The following LRBA variants were observed in gnomAD, a reference collection of about 807,000 sequenced individuals.
The protein encoded by LRBA is lipopolysaccharide-responsive and beige-like anchor protein.
Under a neutral mutation model 330.0 loss-of-function variants are expected in LRBA, and 176 were observed. The observed-to-expected ratio is 0.53, with a 90% confidence interval of 0.47 to 0.60. LRBA has a LOEUF of 0.60. LRBA is among the 20% of genes least tolerant of loss of function. The pLI, the probability that LRBA is intolerant of heterozygous loss-of-function variation, is 0.00. For synonymous variants in LRBA, 1,230 were observed against 1,193.0 expected (o/e 1.03, Z -0.64); for missense variants, 3,259 against 3,444.8 (o/e 0.95, Z 1.35).
intron 34 of LRBA, among the ~76,000 whole-genome samples, chr4:150,785,962 C>T (rs1242568514): frequency 1.3e-5 from 2 of 152,166 alleles, no homozygotes; most frequent in African/African-American, 2.4e-5. Context: ...ATAAAAACCA[C>T]GGAATCATCT....
At chr4:150,370,443 A>T (rs781745263) in intron 47 of LRBA, among the ~76,000 whole-genome samples, 1 of 152,226 alleles carries the variant, frequency 6.6e-6, no homozygotes, top group Non-Finnish European at 1.5e-5. Context: ...TGAAAAGGTT[A>T]CATACTATAT....
chr4:150,935,010 G>GAAA (rs35609336), intron 2 of LRBA, among the ~76,000 whole-genome samples: 10 of 131,350 alleles, frequency 7.6e-5, no homozygotes, highest in South Asian at 2.6e-4. Context: ...CTCCATCTCA[G>GAAA]AAAAAAAAAA....
chr4:150,979,499 AAC>A (rs1229857238), intron 2 of LRBA, among the ~76,000 whole-genome samples: 1 of 152,238 alleles, frequency 6.6e-6, no homozygotes, highest in African/African-American at 2.4e-5. Flanking sequence ...AAAACACAAT[AAC>A]ACCATAACTT....
chr4:150,984,869 T>C (rs1579404461), intron 2 of LRBA, among the ~76,000 whole-genome samples: 1 of 152,170 alleles, frequency 6.6e-6, no homozygotes, highest in African/African-American at 2.4e-5. Context: ...AAAAAAAACA[T>C]ACATATCACA....
At chr4:150,892,892 T>C (rs1729614686) in intron 17 of LRBA, among the ~76,000 whole-genome samples, 160 bp downstream of exon 17, 1 of 152,104 alleles carries the variant, frequency 6.6e-6, no homozygotes, top group Non-Finnish European at 1.5e-5. Context: ...TAAAGATTCA[T>C]TGAAAAAAAA....
At position 151,000,736 on chromosome 4, in the gene LRBA, G is replaced by T. The variant is rs183364228; in HGVS notation, c.216+13691C>A. ...AGGGCTTCAAGATGGCTGACTAGAG[G>T]CATCTCCTACTTGCCTCCTCCACTA... On this transcript the variant is annotated intron_variant, in intron 2 of 56. Coordinates refer to ENST00000651943, the MANE Select transcript of LRBA (RefSeq NM_001364905.1). Among the ~76,000 whole-genome samples the T allele has an allele frequency of 2.6e-5, 4 of 152,328 alleles. No homozygotes were observed. In the East Asian group the frequency reaches 7.7e-4, roughly 29 times the overall value.
chr4:150,286,955 C>T (rs930149704), intron 53 of LRBA, among the ~76,000 whole-genome samples: 5 of 152,154 alleles, frequency 3.3e-5, no homozygotes, highest in East Asian at 1.9e-4. Context: ...GAAGACTAAA[C>T]GGATCCTTTA....
At chr4:150,473,919 G>C (rs1756428656) in intron 42 of LRBA, among the ~76,000 whole-genome samples, 1 of 152,128 alleles carries the variant, frequency 6.6e-6, no homozygotes, top group Non-Finnish European at 1.5e-5. Flanking sequence ...GTATCAGTCT[G>C]TGGCTTATTT....
At chr4:150,715,940 C>T (rs1728144503) in intron 36 of LRBA, among the ~76,000 whole-genome samples, 2 of 152,128 alleles carry the variant, frequency 1.3e-5, no homozygotes, top group Non-Finnish European at 2.9e-5. Flanking sequence ...AACTACATTG[C>T]TCTGAAGACC....
chr4:150,724,903 TACACAC>T (rs775904309), intron 36 of LRBA, among the ~76,000 whole-genome samples: 2 of 145,500 alleles, frequency 1.4e-5, no homozygotes, highest in African/African-American at 2.5e-5. Context: ...TGTATATATA[TACACAC>T]ACACACACAC....
At chr4:150,763,947 A>G (rs1379745695) in intron 34 of LRBA, among the ~76,000 whole-genome samples, 1 of 152,010 alleles carries the variant, frequency 6.6e-6, no homozygotes. Context: ...TGCCACAGCC[A>G]AACAACACAA....
chr4:151,006,727 T>C (rs529139095), intron 2 of LRBA, among the ~76,000 whole-genome samples: 46 of 152,278 alleles, frequency 3.0e-4, no homozygotes, highest in Non-Finnish European at 5.9e-4. Context: ...TCCCAAATGA[T>C]TTCTCAGTTT....
intron 13 of LRBA, among the ~76,000 whole-genome samples, chr4:150,901,236 G>A (rs1730690893): frequency 6.6e-6 from 1 of 152,030 alleles, no homozygotes; most frequent in African/African-American, 2.4e-5. Flanking sequence ...GAGGTAGAGA[G>A]TGCAGTAAGC....
chr4:150,601,239 T>C (rs1373808725), intron 37 of LRBA, among the ~76,000 whole-genome samples: 1 of 152,240 alleles, frequency 6.6e-6, no homozygotes, highest in Non-Finnish European at 1.5e-5. Flanking sequence ...TTGAGTCAAA[T>C]TAAATGATGT....
At chr4:150,729,097 C>T (rs921873783) in intron 36 of LRBA, among the ~76,000 whole-genome samples, 8 of 152,086 alleles carry the variant, frequency 5.3e-5, no homozygotes, top group Non-Finnish European at 1.2e-4. Flanking sequence ...AGGAGGTGGA[C>T]TGCTTGAGCC....
At chr4:150,572,152 CATT>C (rs2152285385) in intron 40 of LRBA, among the ~76,000 whole-genome samples, 1 of 152,110 alleles carries the variant, frequency 6.6e-6, no homozygotes, top group African/African-American at 2.4e-5. Flanking sequence ...CAAAAATCAA[CATT>C]ATTTCTTTGT....
chr4:151,000,256 C>A (rs1438596459), intron 2 of LRBA, among the ~76,000 whole-genome samples: 3 of 152,110 alleles, frequency 2.0e-5, no homozygotes, highest in Non-Finnish European at 4.4e-5. Context: ...TTTCAACTTA[C>A]AATATTTTCA....
At chr4:150,774,694 G>A (rs1422005113) in intron 34 of LRBA, among the ~76,000 whole-genome samples, 3 of 152,100 alleles carry the variant, frequency 2.0e-5, no homozygotes, top group Non-Finnish European at 2.9e-5. Flanking sequence ...ACACATATAT[G>A]TGTGGACCTG....
At chr4:150,952,076 G>C (rs913255120) in intron 2 of LRBA, among the ~76,000 whole-genome samples, 15 of 152,330 alleles carry the variant, frequency 9.8e-5, no homozygotes, top group African/African-American at 3.6e-4. Context: ...AGAACACTAA[G>C]TGTCCACTAC....
Sources: gnomAD v4.1 joint callset for allele counts (sites outside exome capture counted in the v4.1 genomes callset) on GRCh38, gnomAD v4.1.1 for gene constraint, MANE v1.5 for transcripts, NCBI Gene and HGNC (gene_info 2026-07-23, HGNC 2026-07-21) for gene names.